WWOX: variants seen among roughly 807,000 people sequenced by gnomAD.
WWOX encodes WW domain-containing oxidoreductase.
WWOX carries 69 observed loss-of-function variants against 46.2 expected under a neutral mutation model. That is an observed-to-expected ratio of 1.49 (90% CI 1.23 to 1.82). The LOEUF is 1.82. Among genes scored for constraint, WWOX ranks in the 40% most tolerant of loss-of-function variants. The pLI, the probability that WWOX is intolerant of heterozygous loss-of-function variation, is 0.00. For synonymous variants in WWOX, 359 were observed against 202.6 expected (o/e 1.77, Z -6.56); for missense variants, 919 against 542.6 (o/e 1.69, Z -6.89).
At chr16:78,755,028 T>G (rs1597554340) in intron 8 of WWOX, among the ~76,000 whole-genome samples, 1 of 107,762 alleles carries the variant, frequency 9.3e-6, no homozygotes, top group Non-Finnish European at 1.8e-5. Flanking sequence ...GGGGGGAACA[T>G]CACACACCGG....
intron 8 of WWOX, among the ~76,000 whole-genome samples, chr16:78,568,516 C>T (rs1373893564): frequency 1.3e-5 from 2 of 148,182 alleles, no homozygotes; most frequent in East Asian, 2.0e-4. Context: ...CACTCTTTCA[C>T]CCAGGCTGGA....
chr16:78,203,995 G>A (rs886217324), intron 5 of WWOX, among the ~76,000 whole-genome samples: 6 of 152,164 alleles, frequency 3.9e-5, no homozygotes, highest in African/African-American at 1.4e-4. Context: ...TCTATAGTCT[G>A]CTTGGACATG....
chr16:79,088,009 C>G (rs780918758), intron 8 of WWOX, among the ~76,000 whole-genome samples: 5 of 152,128 alleles, frequency 3.3e-5, no homozygotes, highest in African/African-American at 7.2e-5. Context: ...GCTTCTTCTG[C>G]TTATTCATCA....
intron 8 of WWOX, among the ~76,000 whole-genome samples, chr16:79,079,517 G>C (rs770442027): frequency 3.3e-5 from 5 of 152,050 alleles, no homozygotes; most frequent in Non-Finnish European, 5.9e-5. Flanking sequence ...TTACATTCTT[G>C]AACCATATGT....
At chr16:78,261,662 T>C (rs866163180) in intron 5 of WWOX, among the ~76,000 whole-genome samples, 1 of 149,680 alleles carries the variant, frequency 6.7e-6, no homozygotes, top group East Asian at 1.9e-4. Context: ...GGAAGAACAA[T>C]CTCAGATCTC....
intron 8 of WWOX, among the ~76,000 whole-genome samples, chr16:78,628,083 G>A (rs1254164092): frequency 6.6e-6 from 1 of 152,168 alleles, no homozygotes; most frequent in Non-Finnish European, 1.5e-5. Flanking sequence ...GGATTTTCAA[G>A]GAGCAGTAGA....
intron 8 of WWOX, among the ~76,000 whole-genome samples, chr16:78,597,754 A>G (rs1357932733): frequency 4.4e-5 from 3 of 67,444 alleles, no homozygotes; most frequent in African/African-American, 1.4e-4. Flanking sequence ...GAGTTTATTT[A>G]TATGTGTATA....
intron 8 of WWOX, among the ~76,000 whole-genome samples, chr16:78,708,440 G>A (rs965141573): frequency 2.0e-5 from 3 of 152,062 alleles, no homozygotes; most frequent in Admixed American, 1.3e-4. Context: ...TGTGTCACAG[G>A]GTCTTGGTAT....
intron 8 of WWOX, among the ~76,000 whole-genome samples, chr16:78,858,219 G>A (rs1429437861): frequency 2.1e-5 from 3 of 146,338 alleles, no homozygotes; most frequent in Non-Finnish European, 3.0e-5. Flanking sequence ...TCGTTTTAGG[G>A]GTAAAGTGGT....
intron 8 of WWOX, among the ~76,000 whole-genome samples, chr16:78,619,551 T>C (rs1237668239): frequency 6.6e-6 from 1 of 151,670 alleles, no homozygotes; most frequent in African/African-American, 2.4e-5. Context: ...ACTTCTAATC[T>C]CAATTTTATT....
chr16:78,916,735 A>G (rs1283252399), intron 8 of WWOX, among the ~76,000 whole-genome samples: 1 of 152,176 alleles, frequency 6.6e-6, no homozygotes, highest in Non-Finnish European at 1.5e-5. Context: ...TAAACTCTAA[A>G]CTAAGTGTCT....
chr16:78,611,868 G>A (rs533688338), intron 8 of WWOX, among the ~76,000 whole-genome samples: 6 of 152,200 alleles, frequency 3.9e-5, no homozygotes, highest in Admixed American at 6.5e-5. Context: ...TGGAAGGGGC[G>A]TGGCATTGCT....
At chr16:78,135,642 T>C (rs1441558206) in intron 4 of WWOX, among the ~76,000 whole-genome samples, 2 of 151,946 alleles carry the variant, frequency 1.3e-5, no homozygotes, top group East Asian at 3.9e-4. Context: ...AATTTTTCAA[T>C]TACCAATAGG....
chr16:78,184,411 C>T (rs1432232655), intron 5 of WWOX, among the ~76,000 whole-genome samples: 1 of 151,896 alleles, frequency 6.6e-6, no homozygotes, highest in Non-Finnish European at 1.5e-5. Context: ...TGCCAGGACC[C>T]CTGTGTAGAA....
At chr16:78,982,772 T>C (rs2046708634) in intron 8 of WWOX, among the ~76,000 whole-genome samples, 1 of 152,220 alleles carries the variant, frequency 6.6e-6, no homozygotes, top group South Asian at 2.1e-4. Context: ...TAATAAATAG[T>C]GATTACCAGA....
At chr16:78,720,291 C>G (rs543601056) in intron 8 of WWOX, among the ~76,000 whole-genome samples, 1 of 146,336 alleles carries the variant, frequency 6.8e-6, no homozygotes, top group East Asian at 1.9e-4. Flanking sequence ...ATCATCTGAA[C>G]CTGACGGTTA....
chr16:79,161,736 C>G (rs1289700077), intron 8 of WWOX, among the ~76,000 whole-genome samples: 1 of 152,184 alleles, frequency 6.6e-6, no homozygotes, highest in Non-Finnish European at 1.5e-5. Flanking sequence ...CCAGGCTGGT[C>G]TCAAACTCGT....
rs547601347 is a variant in WWOX at position 78,571,056 on chromosome 16, A to G, written c.1056+138304A>G. Among the ~76,000 whole-genome samples the G allele has an allele frequency of 8.5e-5, 13 of 152,252 alleles. No homozygotes were observed. In the South Asian group the frequency reaches 2.7e-3, roughly 32 times the overall value. The stretch of plus-strand genomic sequence containing the variant: ...TCTGTGATTTTTAAATTTAGAATTG[A>G]GGTTTGAAGGGAAGTATTGCTCCTT... On this transcript the variant is annotated intron_variant, in intron 8 of 8. Coordinates refer to ENST00000566780, the MANE Select transcript of WWOX (RefSeq NM_016373.4).
rs2084490245 is a variant in WWOX at position 78,481,680 on chromosome 16, A to G, written c.1056+48928A>G. On this transcript the variant is annotated intron_variant, in intron 8 of 8. Transcript: ENST00000566780. ...TCCCAACAATTTGGCTGTATTTGCC[A>G]GAACTGTTTCAAGAATGCTATGACT... Among the ~76,000 whole-genome samples, 4 of 150,726 alleles carry G rather than the reference A, an allele frequency of 2.7e-5. No individual in the cohort carries two copies. The South Asian group carries it at 8.4e-4, about 32-fold the overall frequency.
Sources: allele counts gnomAD v4.1 joint callset (sites outside exome capture counted in the v4.1 genomes callset), GRCh38; gene constraint gnomAD v4.1.1; transcripts MANE v1.5; gene names NCBI Gene and HGNC (gene_info 2026-07-23, HGNC 2026-07-21).